Variants in METTL8 observed in about 807,000 individuals in gnomAD.
The protein encoded by METTL8 is tRNA N(3)-cytidine methyltransferase METTL8, mitochondrial.
METTL8 carries 32 observed loss-of-function variants against 48.7 expected under a neutral mutation model. The ratio of observed to expected loss-of-function variants is 0.66; its 90% confidence interval spans 0.50 to 0.88. METTL8 has a LOEUF of 0.88. Ranked by LOEUF, METTL8 falls within the 40% of genes least tolerant of loss-of-function variation. The probability of loss-of-function intolerance (pLI) is 0.00; values close to 1 mark genes in which losing one functional copy is unlikely to be tolerated. For synonymous variants in METTL8, 136 were observed against 157.1 expected (o/e 0.87, Z 1.01); for missense variants, 464 against 474.4 (o/e 0.98, Z 0.20).
intron 2 of METTL8, among the ~76,000 whole-genome samples, chr2:171,376,798 T>C (rs1687015093): frequency 6.6e-6 from 1 of 152,138 alleles, no homozygotes; most frequent in African/African-American, 2.4e-5. Context: ...ATAGATTCAA[T>C]GCAATTTCCA....
intron 2 of METTL8, among the ~76,000 whole-genome samples, chr2:171,370,944 G>A (rs766725048): frequency 7.2e-5 from 11 of 152,118 alleles, no homozygotes; most frequent in Admixed American, 1.3e-4. Flanking sequence ...TGCTGGGCAG[G>A]TGGACATATT....
chr2:171,345,315 T>C (rs1687158992), intron 3 of METTL8, among the ~76,000 whole-genome samples: 1 of 152,082 alleles, frequency 6.6e-6, no homozygotes, highest in Non-Finnish European at 1.5e-5. Flanking sequence ...CATTTATGTA[T>C]GACATATATA....
intron 2 of METTL8, among the ~76,000 whole-genome samples, chr2:171,378,533 G>A (rs551111915): frequency 2.6e-5 from 4 of 152,268 alleles, no homozygotes; most frequent in South Asian, 2.1e-4. Flanking sequence ...TTGGGAAGCT[G>A]AGGCAGAAGA....
chr2:171,397,306 C>T (rs1689166057), intron 1 of METTL8, among the ~76,000 whole-genome samples: 1 of 124,352 alleles, frequency 8.0e-6, no homozygotes, highest in Non-Finnish European at 1.6e-5. Flanking sequence ...TGGCTTGAGG[C>T]CAAGACTTTG....
rs1684251218 is a variant in METTL8 at position 171,316,087 on chromosome 2, G to A, written c.*8085C>T. ...GTGCACATGATCAGCTTTTGCACAT[G>A]CTTGGAGGAAAAACAACACTATTAA... On this transcript the variant is annotated 3_prime_UTR_variant, in exon 10 of 10. Coordinates refer to ENST00000375258, the MANE Select transcript of METTL8 (RefSeq NM_001321154.2). 6.6e-6 allele frequency among the ~76,000 whole-genome samples: 1 copy of A among 152,206 alleles called. No homozygotes were observed. Among genetic ancestry groups the A allele is most frequent in the Non-Finnish European group, 1.5e-5 (1 of 68,040 alleles).
intron 2 of METTL8, among the ~76,000 whole-genome samples, chr2:171,389,005 A>G (rs1688331375): frequency 6.6e-6 from 1 of 152,112 alleles, no homozygotes; most frequent in Non-Finnish European, 1.5e-5. Flanking sequence ...CTACTCCCTG[A>G]GACAAAACAA....
rs193126328 is a variant in METTL8 at position 171,369,133 on chromosome 2, G to A, written c.144-8620C>T. ...ATACTGGCTAACACGGTGAAACCCCGTCTCCACTAAAAAATACAAAAAATT... is the reference window on the plus strand; with the variant it reads ...ATACTGGCTAACACGGTGAAACCCCATCTCCACTAAAAAATACAAAAAATT... On this transcript the variant is annotated intron_variant, in intron 2 of 9. Transcript: ENST00000375258. Among the ~76,000 whole-genome samples the A allele has an allele frequency of 2.6e-4, 39 of 152,004 alleles. 1 individual carries two copies. Among genetic ancestry groups the A allele is most frequent in the South Asian group, 1.2e-3 (6 of 4,824 alleles).
chr2:171,416,339 C>A (rs374110148), intron 1 of METTL8, among the ~76,000 whole-genome samples: 1 of 152,320 alleles, frequency 6.6e-6, no homozygotes, highest in Non-Finnish European at 1.5e-5. Context: ...CAGGGATTCA[C>A]CTTTGTATTC....
intron 3 of METTL8, among the ~76,000 whole-genome samples, chr2:171,356,953 T>TGTTTTTGTTTTTTTTTG (rs1553514755): frequency 7.1e-5 from 1 of 14,076 alleles, no homozygotes; most frequent in Non-Finnish European, 1.9e-4. Context: ...AAAGACAATA[T>TGTTTTTGTTTTTTTTTG]TTTTTTTTTT....
At chr2:171,434,100 C>G (rs1055424047), upstream of METTL8, 20 of 335,680 alleles carry the variant, frequency 6.0e-5, no homozygotes, top group African/African-American at 3.9e-4. Context: ...CCACTCGCAG[C>G]ACAGAGAAGC....
intron 2 of METTL8, among the ~76,000 whole-genome samples, chr2:171,369,282 G>A (rs1315643071): frequency 6.6e-6 from 1 of 152,112 alleles, no homozygotes; most frequent in African/African-American, 2.4e-5. Flanking sequence ...CTCCAGCCTG[G>A]GCAAGAGAGC....
At position 171,360,526 on chromosome 2, in the gene METTL8, A is replaced by T. The variant is rs1156328427; in HGVS notation, c.144-13T>A. 10 of 1,605,322 alleles carry T rather than the reference A, an allele frequency of 6.2e-6. No homozygotes were observed. Among genetic ancestry groups the T allele is most frequent in the Non-Finnish European group, 7.7e-6 (9 of 1,176,356 alleles). On this transcript the variant is annotated splice_polypyrimidine_tract_variant and intron_variant, in intron 2 of 9. Coordinates refer to ENST00000375258, the MANE Select transcript of METTL8 (RefSeq NM_001321154.2). Reference sequence around the variant, plus strand: ...CTGCATGTGATCCCTATTAAAAAAAAATAGACTGTAAAATATGCTTTATCA... The same window carrying T: ...CTGCATGTGATCCCTATTAAAAAAATATAGACTGTAAAATATGCTTTATCA...
At chr2:171,428,514 G>C (rs1172632460) in intron 1 of METTL8, among the ~76,000 whole-genome samples, 4 of 151,858 alleles carry the variant, frequency 2.6e-5, no homozygotes, top group Non-Finnish European at 5.9e-5. Context: ...AAAGTACTTA[G>C]CTGTTGATAA....
chr2:171,340,715 T>A (rs1463141727), intron 3 of METTL8, among the ~76,000 whole-genome samples: 2 of 152,170 alleles, frequency 1.3e-5, no homozygotes, highest in African/African-American at 4.8e-5. Flanking sequence ...TGGAACAATT[T>A]ACTCCAACCT....
At chr2:171,414,883 G>A (rs1470057741) in intron 1 of METTL8, among the ~76,000 whole-genome samples, 1 of 152,050 alleles carries the variant, frequency 6.6e-6, no homozygotes, top group African/African-American at 2.4e-5. Flanking sequence ...TCATGGGGGC[G>A]GTTTCTCCCA....
At chr2:171,395,537 G>A (rs911523749) in intron 1 of METTL8, among the ~76,000 whole-genome samples, 5 of 152,132 alleles carry the variant, frequency 3.3e-5, no homozygotes, top group African/African-American at 9.7e-5. Context: ...TAAGAAAGCT[G>A]GTGGGGCTAT....
chr2:171,332,028 G>C (rs1040812272), intron 5 of METTL8, 161 bp from the exon 6 acceptor site: 8 of 542,000 alleles, frequency 1.5e-5, no homozygotes, highest in African/African-American at 1.1e-4. Context: ...TAGGACTACA[G>C]ATGTGCCTCA....
intron 5 of METTL8, among the ~76,000 whole-genome samples, chr2:171,336,262 AT>A (rs1186677383): frequency 1.3e-5 from 2 of 150,296 alleles, no homozygotes; most frequent in Non-Finnish European, 3.0e-5. Flanking sequence ...CACCCAGCTA[AT>A]TTTTTGTATT....
chr2:171,326,874 G>A (rs982030686), intron 7 of METTL8: 1 of 152,098 alleles, frequency 6.6e-6, no homozygotes, highest in African/African-American at 2.4e-5. Flanking sequence ...GAATAATTCT[G>A]CTTAAAATGA....
Sources: allele counts gnomAD v4.1 joint callset (sites outside exome capture counted in the v4.1 genomes callset), GRCh38; gene constraint gnomAD v4.1.1; transcripts MANE v1.5; gene names NCBI Gene and HGNC (gene_info 2026-07-23, HGNC 2026-07-21).